SORBS2: variants seen among roughly 807,000 people sequenced by gnomAD.
SORBS2 encodes the protein sorbin and SH3 domain containing 2, also known as sorbin and SH3 domain-containing protein 2.
Under a neutral mutation model 97.7 loss-of-function variants are expected in SORBS2, and 46 were observed. The observed-to-expected ratio is 0.47, with a 90% CI of 0.37 to 0.60. SORBS2 has a LOEUF of 0.60. Among genes scored for constraint, SORBS2 ranks in the 20% least tolerant of loss-of-function variants. The pLI is 0.00. For synonymous variants in SORBS2, 476 were observed against 473.4 expected (o/e 1.01, Z -0.07); for missense variants, 1,316 against 1,282.3 (o/e 1.03, Z -0.40).
rs534520232 is a variant in SORBS2, at chr4:185,642,787, C to T, written c.396+3881G>A. Among the ~76,000 whole-genome samples, 4 of 152,320 alleles carry T rather than the reference C, an allele frequency of 2.6e-5. No homozygotes were observed. The South Asian group carries it at 6.2e-4, about 24-fold the overall frequency. The stretch of plus-strand genomic sequence containing the variant: ...ATTTTTGTTCAAACAGTACTACCCC[C>T]CTGCCTTCTCTGTATCCCAGGGAAT... On this transcript the variant is annotated intron_variant, in intron 4 of 14. Coordinates refer to ENST00000418609, the Ensembl canonical transcript of SORBS2.
intron 1 of SORBS2, among the ~76,000 whole-genome samples, chr4:185,899,085 G>C (rs2099246339): frequency 6.6e-6 from 1 of 152,106 alleles, no homozygotes; most frequent in African/African-American, 2.4e-5. Flanking sequence ...GCCTGATCTG[G>C]AACAAAGGAG....
intron 2 of SORBS2, among the ~76,000 whole-genome samples, chr4:185,689,741 G>A (rs1310429440): frequency 6.6e-6 from 1 of 152,180 alleles, no homozygotes; most frequent in Admixed American, 6.5e-5. Flanking sequence ...CCTCAAAAAG[G>A]CAACCAGCTG....
At chr4:185,711,431 G>A (rs574700984) in intron 2 of SORBS2, among the ~76,000 whole-genome samples, 55 of 152,126 alleles carry the variant, frequency 3.6e-4, no homozygotes, top group Admixed American at 9.8e-4. Context: ...GGGCTAGAGC[G>A]GTTTGTAGAA....
chr4:185,744,270 C>T (rs527448917), intron 2 of SORBS2, among the ~76,000 whole-genome samples: 32 of 152,244 alleles, frequency 2.1e-4, no homozygotes, highest in African/African-American at 7.5e-4. Context: ...AAACAATGTA[C>T]CCCATTGTAT....
intron 2 of SORBS2, among the ~76,000 whole-genome samples, chr4:185,721,815 G>A (rs1196097777): frequency 6.6e-6 from 1 of 152,186 alleles, no homozygotes; most frequent in Non-Finnish European, 1.5e-5. Flanking sequence ...AGAGAGCTGA[G>A]GTCTTCCTCT....
In SORBS2 at chr4:185,623,284, AT is replaced by A. The variant is rs754977280; in HGVS notation, c.1844del (p.Asn615IlefsTer65). On this transcript the variant is annotated frameshift_variant, in exon 7 of 15. Coordinates refer to ENST00000418609, the Ensembl canonical transcript of SORBS2. LOFTEE classifies it high-confidence loss of function. The surrounding 1 kb of genome is among the most constrained non-coding windows in gnomAD (Gnocchi z 6.4). ...TTTCAGTCTGTTTCTTAGGAGCCGA[AT>A]TTTTTTTCCTCCGGAAAGGCACAGG... The A allele has an allele frequency of 1.2e-6, 2 of 1,613,852 alleles. No individual in the cohort carries two copies. Among genetic ancestry groups the A allele is most frequent in the Admixed American group, 1.7e-5 (1 of 59,972 alleles).
chr4:185,832,176 G>A (rs1259326062), intron 1 of SORBS2, among the ~76,000 whole-genome samples: 2 of 152,120 alleles, frequency 1.3e-5, no homozygotes, highest in African/African-American at 4.8e-5. Context: ...AAATTAAGCT[G>A]AATCATGTTA....
At chr4:185,730,966 T>C (rs2098617183) in intron 2 of SORBS2, among the ~76,000 whole-genome samples, 2 of 152,180 alleles carry the variant, frequency 1.3e-5, no homozygotes, top group African/African-American at 4.8e-5. Context: ...TATTTGAGCA[T>C]TTTCCTCATG....
chr4:185,826,328 C>T (rs938601693), intron 1 of SORBS2, among the ~76,000 whole-genome samples: 7 of 152,196 alleles, frequency 4.6e-5, no homozygotes, highest in South Asian at 2.1e-4. Context: ...TGCCTATGCT[C>T]ATCGACCACT....
At chr4:185,591,248 A>G (rs2095925625) in intron 13 of SORBS2, among the ~76,000 whole-genome samples, 1 of 152,184 alleles carries the variant, frequency 6.6e-6, no homozygotes. Context: ...CTGGCACCAA[A>G]GCCTGAAATT....
At chr4:185,889,850 T>C (rs1231886710) in intron 1 of SORBS2, among the ~76,000 whole-genome samples, 2 of 152,172 alleles carry the variant, frequency 1.3e-5, no homozygotes, top group East Asian at 3.9e-4. Flanking sequence ...CCTTCCTTCA[T>C]TCCACTCACT....
intron 4 of SORBS2, chr4:185,666,238 A>C: frequency 3.6e-6 from 4 of 1,105,352 alleles, no homozygotes; most frequent in Non-Finnish European, 3.6e-6. Context: ...TAAGAGATAA[A>C]TTATCCAATT....
At chr4:185,801,622 G>A (rs1486491929) in intron 1 of SORBS2, among the ~76,000 whole-genome samples, 2 of 151,838 alleles carry the variant, frequency 1.3e-5, no homozygotes, top group Non-Finnish European at 2.9e-5. Flanking sequence ...GTCTTCTTTG[G>A]AAAACTATCT....
At chr4:185,625,436 T>C (rs1561496428) in intron 6 of SORBS2, among the ~76,000 whole-genome samples, 6 of 152,226 alleles carry the variant, frequency 3.9e-5, no homozygotes, top group Admixed American at 2.0e-4. Flanking sequence ...TGGAGGAAAA[T>C]ATCTCTATTC....
chr4:185,904,452 G>T (rs898289968), intron 1 of SORBS2, among the ~76,000 whole-genome samples: 6 of 152,292 alleles, frequency 3.9e-5, no homozygotes, highest in Admixed American at 3.9e-4. Context: ...TTGGACTGTG[G>T]AGAGACACCT....
chr4:185,828,402 G>A (rs1217591145), intron 1 of SORBS2, among the ~76,000 whole-genome samples: 1 of 151,976 alleles, frequency 6.6e-6, no homozygotes, highest in African/African-American at 2.4e-5. Flanking sequence ...CTGGGAGCTG[G>A]GTGAGTGGAC....
intron 1 of SORBS2, among the ~76,000 whole-genome samples, chr4:185,806,540 C>T (rs1404004767): frequency 7.1e-6 from 1 of 140,768 alleles, no homozygotes; most frequent in East Asian, 2.3e-4. Flanking sequence ...TCACTGCAAG[C>T]TCCTCCTCCC....
chr4:185,833,964 G>A (rs887283942), intron 1 of SORBS2, among the ~76,000 whole-genome samples: 1 of 152,148 alleles, frequency 6.6e-6, no homozygotes, highest in Non-Finnish European at 1.5e-5. Context: ...GCTCCACAAA[G>A]AGTTCTAGAA....
At chr4:185,628,373 C>G (rs1281478353) in intron 5 of SORBS2, among the ~76,000 whole-genome samples, 1 of 151,170 alleles carries the variant, frequency 6.6e-6, no homozygotes, top group Non-Finnish European at 1.5e-5. Flanking sequence ...TCTCTCACCT[C>G]AAGGGTTGCC....
Sources: gnomAD v4.1 joint callset for allele counts (sites outside exome capture counted in the v4.1 genomes callset) on GRCh38, gnomAD v4.1.1 for gene constraint, Gnocchi (gnomAD v3.1) non-coding constraint, MANE v1.5 for transcripts, NCBI Gene and HGNC (gene_info 2026-07-23, HGNC 2026-07-21) for gene names.